The following SLC25A21 variants were observed in gnomAD, a reference collection of about 807,000 sequenced individuals.
SLC25A21 encodes mitochondrial 2-oxodicarboxylate carrier.
A neutral mutation model predicts 43.8 loss-of-function variants in SLC25A21; 47 were observed. That is an observed-to-expected ratio of 1.07 (90% confidence interval 0.85 to 1.37). The LOEUF (loss-of-function observed/expected upper bound fraction) is 1.37, where lower values mean the gene tolerates loss of function less well. SLC25A21 is among the 40% of genes most tolerant of loss of function. The pLI is 0.00. For synonymous variants in SLC25A21, 131 were observed against 121.3 expected, an observed-to-expected ratio of 1.08 and a Z score of -0.52; for missense variants, 352 against 350.2, an observed-to-expected ratio of 1.00 and a Z score of -0.04.
intron 1 of SLC25A21, among the ~76,000 whole-genome samples, chr14:36,914,231 G>A (rs113482241): frequency 7.9e-5 from 12 of 152,224 alleles, no homozygotes; most frequent in African/African-American, 1.7e-4. Context: ...TCACCATAAC[G>A]AAAATTAATA....
At chr14:36,847,472 C>G (rs1566670948) in intron 2 of SLC25A21, among the ~76,000 whole-genome samples, 1 of 152,150 alleles carries the variant, frequency 6.6e-6, no homozygotes, top group African/African-American at 2.4e-5. Context: ...AAGCTACAGT[C>G]TAGTAGGGGA....
At chr14:37,059,079 C>T (rs1961889718) in intron 1 of SLC25A21, among the ~76,000 whole-genome samples, 1 of 152,192 alleles carries the variant, frequency 6.6e-6, no homozygotes, top group Non-Finnish European at 1.5e-5. Context: ...TATTTTAAAC[C>T]ATGAACATCT....
intron 3 of SLC25A21, among the ~76,000 whole-genome samples, chr14:36,810,907 T>TATG (rs1283100424): frequency 1.1e-5 from 1 of 94,548 alleles, no homozygotes; most frequent in Non-Finnish European, 2.5e-5. Context: ...TAATTCAGCA[T>TATG]ATGATAGAGA....
chr14:36,889,168 G>A (rs1891009079), intron 1 of SLC25A21, among the ~76,000 whole-genome samples: 1 of 152,110 alleles, frequency 6.6e-6, no homozygotes, highest in South Asian at 2.1e-4. Context: ...ATCATGGTCT[G>A]GCTTGTGGGG....
At chr14:36,984,394 C>A (rs757203922) in intron 1 of SLC25A21, among the ~76,000 whole-genome samples, 21 of 152,134 alleles carry the variant, frequency 1.4e-4, no homozygotes, top group Non-Finnish European at 8.8e-5. Context: ...TTCATTTGAT[C>A]TTCTGTTTAC....
chr14:36,721,150 A>G (rs1884358899), intron 6 of SLC25A21, among the ~76,000 whole-genome samples: 1 of 152,252 alleles, frequency 6.6e-6, no homozygotes, highest in Admixed American at 6.5e-5. Flanking sequence ...GCCAGGCTCC[A>G]TGTTAAGACC....
intron 1 of SLC25A21, among the ~76,000 whole-genome samples, chr14:37,087,546 C>T (rs947475569): frequency 6.6e-6 from 1 of 152,172 alleles, no homozygotes; most frequent in Non-Finnish European, 1.5e-5. Flanking sequence ...TAACCCCACA[C>T]AGTATTTATT....
At chr14:36,758,493 C>T (rs184712597) in intron 3 of SLC25A21, among the ~76,000 whole-genome samples, 141 of 150,710 alleles carry the variant, frequency 9.4e-4, no homozygotes, top group South Asian at 1.7e-3. Context: ...GTCAGGACTC[C>T]GGGCATGTTT....
intron 1 of SLC25A21, among the ~76,000 whole-genome samples, chr14:37,121,921 G>A (rs905419384): frequency 3.9e-5 from 6 of 152,094 alleles, no homozygotes; most frequent in Non-Finnish European, 5.9e-5. Flanking sequence ...CATCTCGTGA[G>A]AGTCCTTCAT....
At chr14:36,722,400 A>T (rs1174730568) in intron 6 of SLC25A21, among the ~76,000 whole-genome samples, 2 of 152,170 alleles carry the variant, frequency 1.3e-5, no homozygotes, top group African/African-American at 4.8e-5. Context: ...AAGGTACAGC[A>T]CCAAGAGTGA....
chr14:36,802,839 C>T (rs1275329416), intron 3 of SLC25A21, among the ~76,000 whole-genome samples: 1 of 152,104 alleles, frequency 6.6e-6, no homozygotes, highest in Non-Finnish European at 1.5e-5. Flanking sequence ...TATAATTGTG[C>T]CAGAAGGGCT....
intron 3 of SLC25A21, among the ~76,000 whole-genome samples, chr14:36,743,051 A>G (rs940239540): frequency 2.6e-5 from 4 of 152,118 alleles, no homozygotes; most frequent in Admixed American, 6.5e-5. Context: ...ATCATTTAGG[A>G]GGTAAGTCCA....
intron 1 of SLC25A21, among the ~76,000 whole-genome samples, chr14:36,991,242 T>C (rs960292151): frequency 6.6e-6 from 1 of 152,188 alleles, no homozygotes; most frequent in African/African-American, 2.4e-5. Flanking sequence ...GGTTGCTGAA[T>C]AACATTCAAC....
intron 3 of SLC25A21, among the ~76,000 whole-genome samples, chr14:36,796,399 TTCTTTCTTTCTCTC>T (rs998093479): frequency 2.1e-5 from 3 of 141,862 alleles, no homozygotes; most frequent in African/African-American, 7.8e-5. Flanking sequence ...TTCTTTCTCT[TTCTTTCTTTCTCTC>T]TCTTTCTTTT....
intron 1 of SLC25A21, among the ~76,000 whole-genome samples, chr14:36,922,120 C>A (rs1475509086): frequency 6.9e-6 from 1 of 144,900 alleles, no homozygotes; most frequent in African/African-American, 2.6e-5. Flanking sequence ...GCCTGGGCAA[C>A]AGAGCGAGAT....
intron 3 of SLC25A21, among the ~76,000 whole-genome samples, chr14:36,755,910 C>T (rs1885911284): frequency 6.6e-6 from 1 of 152,156 alleles, no homozygotes; most frequent in African/African-American, 2.4e-5. Context: ...GGACTCAGCA[C>T]ATAAAGTGGA....
At chr14:36,831,836 T>C (rs1170738094) in intron 2 of SLC25A21, among the ~76,000 whole-genome samples, 1 of 152,152 alleles carries the variant, frequency 6.6e-6, no homozygotes, top group Admixed American at 6.5e-5. Context: ...AAATCGAAAA[T>C]GGAGTCTACT....
At chr14:36,712,383 G>C (rs1229603890) in intron 6 of SLC25A21, among the ~76,000 whole-genome samples, 1 of 151,092 alleles carries the variant, frequency 6.6e-6, no homozygotes, top group African/African-American at 2.4e-5. Context: ...GGCACACACT[G>C]ACATGACATT....
intron 1 of SLC25A21, among the ~76,000 whole-genome samples, chr14:37,123,367 C>G: frequency 6.6e-6 from 1 of 152,294 alleles, no homozygotes; most frequent in East Asian, 1.9e-4. Flanking sequence ...ACGTTCAGAT[C>G]TACAGAAAGA....
Sources: gnomAD v4.1 joint callset for allele counts (sites outside exome capture counted in the v4.1 genomes callset) on GRCh38, gnomAD v4.1.1 for gene constraint, MANE v1.5 for transcripts, NCBI Gene and HGNC (gene_info 2026-07-23, HGNC 2026-07-21) for gene names.